The following PLD5 variants were observed in gnomAD, a reference collection of about 807,000 sequenced individuals.
PLD5 encodes the protein inactive phospholipase D5.
Under a neutral mutation model 61.1 loss-of-function variants are expected in PLD5, and 36 were observed. The observed-to-expected ratio is 0.59, with a 90% CI of 0.45 to 0.78. The LOEUF is 0.78. PLD5 is among the 30% of genes least tolerant of loss of function. The pLI, the probability that PLD5 is intolerant of heterozygous loss-of-function variation, is 0.00. For missense variants in PLD5, 515 were observed against 644.4 expected (o/e 0.80, Z 2.17); for synonymous variants, 243 against 242.8 (o/e 1.00, Z -0.01).
intron 1 of PLD5, among the ~76,000 whole-genome samples, chr1:242,389,566 G>C (rs375778491): frequency 4.7e-5 from 7 of 149,122 alleles, no homozygotes; most frequent in African/African-American, 1.2e-4. Flanking sequence ...ATACTCTGAG[G>C]GGGGGAAAAT....
At chr1:242,474,485 G>C (rs1249341696) in intron 1 of PLD5, among the ~76,000 whole-genome samples, 5 of 152,116 alleles carry the variant, frequency 3.3e-5, no homozygotes, top group Non-Finnish European at 4.4e-5. Flanking sequence ...CCACTGCCAG[G>C]GTTTTAATTG....
chr1:242,251,716 T>A (rs1202032962), intron 4 of PLD5, among the ~76,000 whole-genome samples: 1 of 151,778 alleles, frequency 6.6e-6, no homozygotes, highest in Non-Finnish European at 1.5e-5. Flanking sequence ...TTGACTTGAG[T>A]GTGTTTATAC....
chr1:242,293,845 A>G (rs1005857562), intron 2 of PLD5, among the ~76,000 whole-genome samples: 1 of 152,178 alleles, frequency 6.6e-6, no homozygotes, highest in African/African-American at 2.4e-5. Flanking sequence ...TCTGGGACGC[A>G]TGGCTGTTTC....
chr1:242,504,473 G>A (rs1668658281), intron 1 of PLD5, among the ~76,000 whole-genome samples: 1 of 152,176 alleles, frequency 6.6e-6, no homozygotes, highest in Admixed American at 6.5e-5. Context: ...ATAAAGCCAA[G>A]AAGGTTACTC....
chr1:242,369,519 G>T (rs1293616091), intron 1 of PLD5, among the ~76,000 whole-genome samples: 1 of 152,152 alleles, frequency 6.6e-6, no homozygotes, highest in Non-Finnish European at 1.5e-5. Context: ...ATGGAATATT[G>T]TGAAGCCACT....
intron 2 of PLD5, among the ~76,000 whole-genome samples, chr1:242,317,833 T>C (rs1315806596): frequency 1.3e-5 from 2 of 152,108 alleles, no homozygotes; most frequent in Non-Finnish European, 2.9e-5. Context: ...AGAGAAATGT[T>C]CCACAGAGAG....
At chr1:242,143,190 C>G (rs1361324978) in intron 5 of PLD5, among the ~76,000 whole-genome samples, 1 of 151,854 alleles carries the variant, frequency 6.6e-6, no homozygotes, top group Non-Finnish European at 1.5e-5. Context: ...ACGACGCCAG[C>G]TATGTTTTTT....
chr1:242,358,601 C>T (rs2796115), intron 1 of PLD5, among the ~76,000 whole-genome samples: 141,359 of 149,310 alleles, frequency 0.95, 67,399 homozygotes, highest in Non-Finnish European at 1. Flanking sequence ...GTGTGGGCAC[C>T]AAAGTCACTT....
At chr1:242,475,842 A>G (rs1337155068) in intron 1 of PLD5, among the ~76,000 whole-genome samples, 1 of 151,864 alleles carries the variant, frequency 6.6e-6, no homozygotes, top group African/African-American at 2.4e-5. Context: ...GCTCAGAGGC[A>G]CCCCCATGAG....
At chr1:242,523,989 G>T in intron 1 of PLD5, 99 bp downstream of exon 1, 1 of 1,311,814 alleles carries the variant, frequency 7.6e-7, no homozygotes, top group Non-Finnish European at 1.0e-6. Flanking sequence ...GGATCCCCTC[G>T]CCTGCCCCCC....
rs1047564608 is a variant in PLD5, at chr1:242,504,104, T to TA, written c.189+19983dup. ...CACATGCCTGTCATTTCTTCTCTCATAAAAAAAAATGTACCTACCAGAAAT... is the reference window on the plus strand; with the variant it reads ...CACATGCCTGTCATTTCTTCTCTCATAAAAAAAAAATGTACCTACCAGAAAT... On this transcript the variant is annotated intron_variant, in intron 1 of 9. Transcript: ENST00000536534. 3.3e-3 allele frequency among the ~76,000 whole-genome samples: 503 copies of TA among 151,252 alleles called. 5 individuals are homozygous for TA. Among genetic ancestry groups the TA allele is most frequent in the African/African-American group, 0.01 (420 of 41,276 alleles).
chr1:242,482,644 A>T (rs909763267), intron 1 of PLD5, among the ~76,000 whole-genome samples: 1 of 152,244 alleles, frequency 6.6e-6, no homozygotes, highest in Non-Finnish European at 1.5e-5. Context: ...ACAGGATATT[A>T]TCCAGGAGAA....
intron 3 of PLD5, among the ~76,000 whole-genome samples, chr1:242,281,871 GCA>G (rs1356033311): frequency 6.6e-6 from 1 of 151,776 alleles, no homozygotes; most frequent in African/African-American, 2.4e-5. Flanking sequence ...GTGTGTGCGC[GCA>G]CACACACTTG....
chr1:242,378,817 G>A (rs1327747993), intron 1 of PLD5, among the ~76,000 whole-genome samples: 2 of 151,842 alleles, frequency 1.3e-5, no homozygotes, highest in South Asian at 4.2e-4. Flanking sequence ...CTCCAATCTG[G>A]GTGACAGAGT....
Position 242,086,416 on chromosome 1 carries a change from A to G in PLD5, c.*3438T>C, listed in dbSNP as rs923904556. On this transcript the variant is annotated 3_prime_UTR_variant, in exon 10 of 10. Transcript: ENST00000536534. ...TTCCTTGTTTCTATCAGGTTCAGGT[A>G]CCTAAAGCTTGTTGTTTACAAAGCA... is the stretch of plus-strand genomic sequence containing the variant. 1.3e-5 allele frequency: 2 copies of G among 152,154 alleles called. No individual in the cohort carries two copies. The highest frequency in any genetic ancestry group is 4.8e-5 in the African/African-American group (2 of 41,438). The allele number at this position is 152,154 out of a possible 1,614,324, so 9.4% of individuals were successfully genotyped here.
In PLD5 at chr1:242,250,704, C is replaced by T. The variant is rs190980856; in HGVS notation, c.607+14633G>A. Among the ~76,000 whole-genome samples the T allele has an allele frequency of 4.9e-4, 75 of 152,102 alleles. 1 individual carries two copies. Among genetic ancestry groups the T allele is most frequent in the Middle Eastern group, 6.8e-3 (2 of 294 alleles). On this transcript the variant is annotated intron_variant, in intron 4 of 9. Coordinates refer to ENST00000536534, the MANE Select transcript of PLD5 (RefSeq NM_001372062.1). ...CATTCAAATAAAACATTCAGCAAGC[C>T]GCCAAAAAATTGGTAAAGCAAGGAA...
chr1:242,472,235 G>A (rs1265464454), intron 1 of PLD5, among the ~76,000 whole-genome samples: 1 of 152,208 alleles, frequency 6.6e-6, no homozygotes, highest in Admixed American at 6.5e-5. Flanking sequence ...CATTGATTTT[G>A]AGAAACTGAA....
chr1:242,144,665 C>T (rs1035536732), intron 5 of PLD5, among the ~76,000 whole-genome samples: 1 of 152,118 alleles, frequency 6.6e-6, no homozygotes, highest in Admixed American at 6.5e-5. Context: ...CCTGTGGTCC[C>T]AGCTATTCAG....
intron 5 of PLD5, among the ~76,000 whole-genome samples, chr1:242,174,974 T>G (rs1667027304): frequency 6.6e-6 from 1 of 152,094 alleles, no homozygotes; most frequent in African/African-American, 2.4e-5. Context: ...CATACCAACA[T>G]GGCACATGTA....
Sources: gnomAD v4.1 joint callset for allele counts (sites outside exome capture counted in the v4.1 genomes callset) on GRCh38, gnomAD v4.1.1 for gene constraint, MANE v1.5 for transcripts, NCBI Gene and HGNC (gene_info 2026-07-23, HGNC 2026-07-21) for gene names.